The following WRN variants were observed in gnomAD, a reference collection of about 807,000 sequenced individuals.
WRN encodes the protein bifunctional 3'-5' exonuclease/ATP-dependent helicase WRN.
A neutral mutation model predicts 180.7 loss-of-function variants in WRN; 149 were observed. The ratio of observed to expected loss-of-function variants is 0.82; its 90% CI spans 0.72 to 0.94. The LOEUF is 0.94. WRN is among the 40% of genes least tolerant of loss of function. The pLI is 0.00. For synonymous variants in WRN, 548 were observed against 568.9 expected (o/e 0.96, Z 0.52); for missense variants, 1,661 against 1,700.1 (o/e 0.98, Z 0.40).
chr8:31,077,434 G>A (rs1404435881), intron 8 of WRN, among the ~76,000 whole-genome samples: 2 of 151,946 alleles, frequency 1.3e-5, no homozygotes, highest in African/African-American at 4.8e-5. Context: ...AGTAGAGACG[G>A]GGTTTCACCG....
intron 9 of WRN, among the ~76,000 whole-genome samples, chr8:31,082,901 C>G (rs1396254578): frequency 9.2e-5 from 14 of 152,124 alleles, no homozygotes; most frequent in Admixed American, 9.2e-4. Context: ...ATTAGTATTG[C>G]TTTCTTTATT....
intron 1 of WRN, among the ~76,000 whole-genome samples, chr8:31,052,853 G>A (rs957982310): frequency 5.9e-5 from 9 of 152,268 alleles, no homozygotes. Context: ...TAGTTATAGG[G>A]TTGCACAATT....
intron 11 of WRN, 147 bp downstream of exon 11, chr8:31,085,393 T>G: frequency 2.2e-6 from 2 of 899,104 alleles, no homozygotes. Flanking sequence ...TTCCAATTCA[T>G]GTTTCTTTTA....
At position 31,174,535 on chromosome 8, in the gene WRN, G is replaced by C. The variant is rs946586529; in HGVS notation, c.*1433G>C. On this transcript the variant is annotated 3_prime_UTR_variant, in exon 35 of 35. Transcript: ENST00000298139. ...TTGGCCTCTTCACGGAAAACAACTG[G>C]TATTTGTTGTGCCAATGATAAAATT... Among the ~76,000 whole-genome samples, 9 of 152,196 alleles carry C rather than the reference G, an allele frequency of 5.9e-5. No individual in the cohort carries two copies.
Position 31,087,674 on chromosome 8 carries a change from G to A in WRN, c.1432-102G>A, listed in dbSNP as rs76316748. 2.3e-4 allele frequency: 288 copies of A among 1,254,508 alleles called. No individual in the cohort carries two copies. In the African/African-American group the frequency reaches 3.9e-3, roughly 17 times the overall value. The allele number at this position is 1,254,508 out of a possible 1,614,324, so 77.7% of individuals were successfully genotyped here. A position where few individuals can be genotyped will look rare whatever the true frequency, so the allele number is the denominator to read the frequency against. ...ATGGCTTGCACATCTGCCAGCTTTC[G>A]ACAAAATTGTAGGCCCTGTTAATAA... is the stretch of plus-strand genomic sequence containing the variant. On this transcript the variant is annotated intron_variant, in intron 11 of 34. Coordinates refer to ENST00000298139, the MANE Select transcript of WRN (RefSeq NM_000553.6).
At position 31,080,889 on chromosome 8, in the gene WRN, A is replaced by G. The variant is rs773980642; in HGVS notation, c.862A>G (p.Ile288Val). ...PRRVSILLKD[I>V]SENLYSLRRM... ...TAGGGTTTCTATCTTACTAAAGGAT[A>G]TTTCAGAAAATCTATATTCACTGAG... is the stretch of plus-strand genomic sequence containing the variant. The change falls in exon 9 of 35, where the codon ATT (isoleucine) becomes GTT (valine). Residue 288 changes from isoleucine (I) to valine (V), a missense_variant. Physicochemically the swap from Ile to Val is conservative, Grantham distance 29. This residue lies in a region of WRN where 500 missense variants were observed against 504.1 expected (regional missense o/e 0.99). Coordinates refer to ENST00000298139, the MANE Select transcript of WRN (RefSeq NM_000553.6). 1 of 1,608,082 alleles carries G rather than the reference A, an allele frequency of 6.2e-7. No individual in the cohort carries two copies. Among genetic ancestry groups the G allele is most frequent in the South Asian group, 1.1e-5 (1 of 89,186 alleles).
intron 18 of WRN, among the ~76,000 whole-genome samples, chr8:31,105,837 G>A (rs1801074889): frequency 6.6e-6 from 1 of 152,176 alleles, no homozygotes; most frequent in Non-Finnish European, 1.5e-5. Flanking sequence ...AGCAGTATAT[G>A]AGTGATTCAG....
chr8:31,135,503 A>G (rs1802365174), intron 24 of WRN, among the ~76,000 whole-genome samples: 1 of 152,246 alleles, frequency 6.6e-6, no homozygotes. Context: ...GTTACTTAAG[A>G]AGAAATGAGT....
intron 1 of WRN, among the ~76,000 whole-genome samples, chr8:31,053,964 G>T (rs1052046441): frequency 2.6e-5 from 4 of 152,116 alleles, no homozygotes; most frequent in African/African-American, 9.7e-5. Flanking sequence ...GAAGCTATTA[G>T]ACTTAAAAAA....
chr8:31,068,131 A>G, intron 6 of WRN, 127 bp from the exon 7 acceptor site: 1 of 689,836 alleles, frequency 1.4e-6, no homozygotes, highest in Non-Finnish European at 2.6e-6. Flanking sequence ...TTTGTGTCAC[A>G]TAATAGGTTG....
chr8:31,076,710 A>C (rs1026661874), intron 8 of WRN, among the ~76,000 whole-genome samples: 1 of 152,198 alleles, frequency 6.6e-6, no homozygotes, highest in Non-Finnish European at 1.5e-5. Flanking sequence ...GACCAAAAGC[A>C]ATGTCATATT....
chr8:31,102,333 C>T lies in WRN; in HGVS notation c.2088+1378C>T, dbSNP rs555974205. ...TTTGGAATTAGTTTTTTTCACTCAA[C>T]ATAACTACCTTGAGATCTATCCAAG... On this transcript the variant is annotated intron_variant, in intron 18 of 34. Coordinates refer to ENST00000298139, the MANE Select transcript of WRN (RefSeq NM_000553.6). 7.2e-5 allele frequency among the ~76,000 whole-genome samples: 11 copies of T among 152,296 alleles called. No homozygotes were observed. In the East Asian group the frequency reaches 1.9e-3, roughly 27 times the overall value.
Position 31,088,059 on chromosome 8 carries a change from C to T in WRN, c.1576+139C>T, listed in dbSNP as rs188183776. The T allele has an allele frequency of 2.9e-4, 411 of 1,440,998 alleles. 4 individuals carry two copies. Among genetic ancestry groups the T allele is most frequent in the Non-Finnish European group, 5.1e-5 (55 of 1,075,704 alleles). 89.3% of individuals were successfully genotyped at this position (1,440,998 alleles called of 1,614,324 possible). On this transcript the variant is annotated intron_variant, in intron 12 of 34. Coordinates refer to ENST00000298139, the MANE Select transcript of WRN (RefSeq NM_000553.6). ...TTATTGGATCCTTATAAGCTTTTGT[C>T]TCCTTAGTGCTTTTGTCTCCATAAA...
chr8:31,087,618 T>G (rs913200649), intron 11 of WRN, 158 bp from the exon 12 acceptor site: 2 of 678,408 alleles, frequency 2.9e-6, no homozygotes, highest in Non-Finnish European at 5.0e-6. Flanking sequence ...GAGCACATAT[T>G]TAAACCGGAG....
intron 1 of WRN, among the ~76,000 whole-genome samples, chr8:31,054,422 C>T (rs1452588725): frequency 6.6e-6 from 1 of 152,052 alleles, no homozygotes; most frequent in East Asian, 1.9e-4. Flanking sequence ...TGGGATCTCA[C>T]TATGTTGACC....
chr8:31,056,618 T>C (rs891479510), intron 1 of WRN, among the ~76,000 whole-genome samples: 2 of 152,156 alleles, frequency 1.3e-5, no homozygotes, highest in Admixed American at 6.5e-5. Context: ...ATTACAGAAA[T>C]GTACCTTTCT....
intron 30 of WRN, among the ~76,000 whole-genome samples, chr8:31,149,642 T>A (rs950737808): frequency 6.6e-6 from 1 of 151,406 alleles, no homozygotes; most frequent in African/African-American, 2.4e-5. Context: ...CCCCGGCTAA[T>A]TTTTTGTATT....
intron 16 of WRN, among the ~76,000 whole-genome samples, chr8:31,094,114 G>A (rs944094525): frequency 5.3e-5 from 8 of 152,052 alleles, no homozygotes; most frequent in African/African-American, 1.4e-4. Flanking sequence ...TATATATGAC[G>A]GAGCGGAATG....
In WRN at chr8:31,174,666, A is replaced by C. The variant is rs981798310; in HGVS notation, c.*1564A>C. Among the ~76,000 whole-genome samples the C allele has an allele frequency of 6.6e-6, 1 of 151,668 alleles. No homozygotes were observed. The highest frequency in any genetic ancestry group is 2.4e-5 in the African/African-American group (1 of 41,274). ...ACTTCTCTTTCTCTTCGCTTTCACT[A>C]CTACTACTACTAATTCTTCTTCTGA... On this transcript the variant is annotated 3_prime_UTR_variant, in exon 35 of 35. Coordinates refer to ENST00000298139, the MANE Select transcript of WRN (RefSeq NM_000553.6).
Sources: gnomAD v4.1 joint callset for allele counts (sites outside exome capture counted in the v4.1 genomes callset) on GRCh38, gnomAD v4.1.1 for gene constraint, gnomAD v4.1.1 regional missense constraint, MANE v1.5 for transcripts, NCBI Gene and HGNC (gene_info 2026-07-23, HGNC 2026-07-21) for gene names.